The following CARMIL1 variants were observed in gnomAD, a reference collection of about 807,000 sequenced individuals.
CARMIL1 encodes the protein F-actin-uncapping protein LRRC16A.
A neutral mutation model predicts 177.1 loss-of-function variants in CARMIL1; 90 were observed. The ratio of observed to expected loss-of-function variants is 0.51; its 90% CI spans 0.43 to 0.61. The LOEUF is 0.61. Ranked by LOEUF, CARMIL1 falls within the 20% of genes least tolerant of loss-of-function variation. The pLI, the probability that CARMIL1 is intolerant of heterozygous loss-of-function variation, is 0.00. For synonymous variants in CARMIL1, 577 were observed against 606.2 expected, an observed-to-expected ratio of 0.95 and a Z score of 0.71; for missense variants, 1,380 against 1,667.0, an observed-to-expected ratio of 0.83 and a Z score of 3.00.
intron 11 of CARMIL1, among the ~76,000 whole-genome samples, chr6:25,477,873 T>G (rs977638694): frequency 6.8e-6 from 1 of 147,980 alleles, no homozygotes; most frequent in African/African-American, 2.5e-5. Context: ...TTTTTTTTTT[T>G]GAGACAAGGT....
intron 36 of CARMIL1, among the ~76,000 whole-genome samples, chr6:25,611,170 C>T (rs1485937379): frequency 6.6e-6 from 1 of 152,132 alleles, no homozygotes; most frequent in Non-Finnish European, 1.5e-5. Context: ...AACAATAACA[C>T]TGCCTGCTTT....
chr6:25,542,996 T>C (rs1429129365), intron 26 of CARMIL1, among the ~76,000 whole-genome samples: 1 of 152,206 alleles, frequency 6.6e-6, no homozygotes, highest in Non-Finnish European at 1.5e-5. Context: ...ATTAACATGT[T>C]AAACTTGCAA....
chr6:25,607,712 C>T (rs1044530597), intron 35 of CARMIL1, among the ~76,000 whole-genome samples: 6 of 152,196 alleles, frequency 3.9e-5, no homozygotes, highest in African/African-American at 1.4e-4. Flanking sequence ...ACTTCTTCCA[C>T]TTGTGGTTCT....
intron 2 of CARMIL1, among the ~76,000 whole-genome samples, chr6:25,329,926 A>G (rs1352757724): frequency 6.6e-6 from 1 of 152,232 alleles, no homozygotes; most frequent in Non-Finnish European, 1.5e-5. Flanking sequence ...AGTCTCTGAT[A>G]TGAGTTGTTT....
chr6:25,538,530 G>T (rs1417529452), intron 25 of CARMIL1, among the ~76,000 whole-genome samples: 1 of 152,104 alleles, frequency 6.6e-6, no homozygotes, highest in Non-Finnish European at 1.5e-5. Flanking sequence ...TTTGTTCCCA[G>T]TTCCTGATAT....
chr6:25,425,584 T>C (rs115532424), intron 3 of CARMIL1, among the ~76,000 whole-genome samples: 54 of 152,212 alleles, frequency 3.5e-4, no homozygotes, highest in African/African-American at 1.2e-3. Context: ...TGTCTCTAGC[T>C]CCATGCTCTG....
chr6:25,428,271 A>G (rs1796443958), intron 4 of CARMIL1, among the ~76,000 whole-genome samples: 1 of 151,992 alleles, frequency 6.6e-6, no homozygotes, highest in Non-Finnish European at 1.5e-5. Flanking sequence ...TGTTCCAGTA[A>G]CATTTGTTTG....
At chr6:25,428,607 T>C (rs1485115971) in intron 4 of CARMIL1, among the ~76,000 whole-genome samples, 2 of 152,224 alleles carry the variant, frequency 1.3e-5, no homozygotes, top group Non-Finnish European at 2.9e-5. Flanking sequence ...TTTAAATCAC[T>C]TTGGGGAAGA....
chr6:25,509,810 C>T lies in CARMIL1; in HGVS notation c.1477+73C>T. 9.4e-7 allele frequency: 1 copy of T among 1,065,608 alleles called. No homozygotes were observed. Among genetic ancestry groups the T allele is most frequent in the South Asian group, 1.4e-5 (1 of 70,206 alleles). The allele number at this position is 1,065,608 out of a possible 1,614,324, so 66.0% of individuals were successfully genotyped here. A position where few individuals can be genotyped will look rare whatever the true frequency, so the allele number is the denominator to read the frequency against. On this transcript the variant is annotated intron_variant, in intron 18 of 36. Transcript: ENST00000329474. This position sits in a 1 kb window ranked among gnomAD's most constrained non-coding sequence, Gnocchi z 4.1. ...AAGTTAATAAGGGGAAAATAATCTTCTACCCAAATCCAAACAATAGCTTAA... is the reference window on the plus strand; with the variant it reads ...AAGTTAATAAGGGGAAAATAATCTTTTACCCAAATCCAAACAATAGCTTAA...
Position 25,449,833 on chromosome 6 carries a change from A to G in CARMIL1, c.372-65A>G, listed in dbSNP as rs527442783. The G allele has an allele frequency of 5.3e-5, 48 of 906,240 alleles. No homozygotes were observed. In the African/African-American group the frequency reaches 5.9e-4, roughly 11 times the overall value. The allele number at this position is 906,240 out of a possible 1,614,324, so 56.1% of individuals were successfully genotyped here. ...GTTGAAGAAAAAGGAATGTGACAAA[A>G]TTTATTTCTATGTGCAGTCAAAAAG... On this transcript the variant is annotated intron_variant, in intron 5 of 36. Transcript: ENST00000329474.
intron 2 of CARMIL1, among the ~76,000 whole-genome samples, chr6:25,329,583 G>A (rs1298647455): frequency 6.6e-6 from 1 of 152,202 alleles, no homozygotes; most frequent in Non-Finnish European, 1.5e-5. Context: ...TCTAGTAAGT[G>A]ACATTGCTGG....
chr6:25,470,522 C>A (rs1801002851), intron 9 of CARMIL1, among the ~76,000 whole-genome samples: 1 of 152,180 alleles, frequency 6.6e-6, no homozygotes, highest in African/African-American at 2.4e-5. Context: ...CATAGCACTA[C>A]CAAAATGGTC....
At chr6:25,459,689 A>G (rs1799970953) in intron 8 of CARMIL1, among the ~76,000 whole-genome samples, 1 of 152,220 alleles carries the variant, frequency 6.6e-6, no homozygotes, top group African/African-American at 2.4e-5. Context: ...AGTGTTGTGT[A>G]AGAAATGATT....
At chr6:25,536,117 C>T (rs1313073257) in intron 24 of CARMIL1, among the ~76,000 whole-genome samples, 1 of 152,128 alleles carries the variant, frequency 6.6e-6, no homozygotes, top group Non-Finnish European at 1.5e-5. Flanking sequence ...TCAAATTAGC[C>T]TTTTGCAGCC....
intron 16 of CARMIL1, among the ~76,000 whole-genome samples, chr6:25,498,008 A>T (rs1562217904): frequency 6.6e-6 from 1 of 152,108 alleles, no homozygotes; most frequent in Non-Finnish European, 1.5e-5. Context: ...TCTGGTTCAT[A>T]TGTGTCCCAA....
At chr6:25,563,884 A>G in intron 29 of CARMIL1, 3 of 985,358 alleles carry the variant, frequency 3.0e-6, no homozygotes, top group Non-Finnish European at 3.6e-6. Flanking sequence ...TTAAATTCAT[A>G]CAGGTTACAT....
chr6:25,561,680 C>A (rs1582370655), intron 29 of CARMIL1, among the ~76,000 whole-genome samples: 1 of 152,104 alleles, frequency 6.6e-6, no homozygotes, highest in African/African-American at 2.4e-5. Flanking sequence ...AAACAAATGG[C>A]CTTATTCTCA....
At chr6:25,281,607 C>T (rs1781123130) in intron 1 of CARMIL1, among the ~76,000 whole-genome samples, 1 of 152,058 alleles carries the variant, frequency 6.6e-6, no homozygotes, top group African/African-American at 2.4e-5. Flanking sequence ...TAAGTATTGC[C>T]TATCTCTTTC....
intron 8 of CARMIL1, 139 bp from the exon 9 acceptor site, chr6:25,465,734 T>C: frequency 1.6e-6 from 1 of 644,476 alleles, no homozygotes; most frequent in Non-Finnish European, 2.8e-6. Context: ...AACTTAGTTG[T>C]TGTCTAGTGG....
Sources: allele counts gnomAD v4.1 joint callset (sites outside exome capture counted in the v4.1 genomes callset), GRCh38; gene constraint gnomAD v4.1.1; non-coding constraint Gnocchi (gnomAD v3.1); transcripts MANE v1.5; gene names NCBI Gene and HGNC (gene_info 2026-07-23, HGNC 2026-07-21).